Variants in L3MBTL4 observed in about 807,000 individuals in gnomAD.
The protein encoded by L3MBTL4 is lethal(3)malignant brain tumor-like protein 4.
Under a neutral mutation model 84.5 loss-of-function variants are expected in L3MBTL4, and 70 were observed. The observed-to-expected ratio is 0.83, with a 90% CI of 0.68 to 1.01. L3MBTL4 has a LOEUF of 1.01. Ranked by LOEUF, L3MBTL4 falls within the 50% of genes least tolerant of loss-of-function variation. The pLI is 0.00. For missense variants in L3MBTL4, 715 were observed against 754.8 expected (o/e 0.95, Z 0.62); for synonymous variants, 274 against 259.8 (o/e 1.05, Z -0.52).
At chr18:6,185,170 CT>C (rs1454292034) in intron 12 of L3MBTL4, among the ~76,000 whole-genome samples, 1 of 152,104 alleles carries the variant, frequency 6.6e-6, no homozygotes, top group East Asian at 1.9e-4. Context: ...ATTCCTGGAT[CT>C]TGACTGAAAA....
At position 6,169,291 on chromosome 18, in the gene L3MBTL4, A is replaced by C. The variant is rs563262085; in HGVS notation, c.1096+2537T>G. Among the ~76,000 whole-genome samples the C allele has an allele frequency of 2.0e-5, 3 of 152,340 alleles. No individual in the cohort carries two copies. In the South Asian group the frequency reaches 6.2e-4, roughly 32 times the overall value. On this transcript the variant is annotated intron_variant, in intron 13 of 18. Coordinates refer to ENST00000317931, the MANE Select transcript of L3MBTL4 (RefSeq NM_001330559.2). ...GGTGGCAATTCCTCAGGGATCTGGAACTAGAAATACCATTTGACCCAGCCA... is the reference window on the plus strand; with the variant it reads ...GGTGGCAATTCCTCAGGGATCTGGACCTAGAAATACCATTTGACCCAGCCA...
rs59634971 is a variant in L3MBTL4, at chr18:6,161,932, A to AAT, written c.1096+9894_1096+9895dup. Among the ~76,000 whole-genome samples the AAT allele has an allele frequency of 9.0e-3, 1,344 of 149,620 alleles. 20 individuals are homozygous for AAT. The highest frequency in any genetic ancestry group is 0.029 in the African/African-American group (1,208 of 41,008). On this transcript the variant is annotated intron_variant, in intron 13 of 18. Coordinates refer to ENST00000317931, the MANE Select transcript of L3MBTL4 (RefSeq NM_001330559.2). ...AAATACATATAATTCTTATATATAA[A>AAT]ATATATATATATATCTAAGAAAGCT...
intron 4 of L3MBTL4, among the ~76,000 whole-genome samples, chr18:6,281,670 T>C (rs1392163096): frequency 6.6e-6 from 1 of 152,162 alleles, no homozygotes; most frequent in East Asian, 1.9e-4. Flanking sequence ...TGAAATTAAA[T>C]CCTGACCTAC....
chr18:6,269,707 G>A lies in L3MBTL4; in HGVS notation c.128-5669C>T, dbSNP rs187387556. 7.2e-5 allele frequency among the ~76,000 whole-genome samples: 11 copies of A among 152,226 alleles called. No individual in the cohort carries two copies. In the East Asian group the frequency reaches 9.7e-4, roughly 13 times the overall value. The stretch of plus-strand genomic sequence containing the variant: ...ATTACTTTTTAAATATGAATTAAGC[G>A]CAGTTTATATGAACATTGTCTTTAG... On this transcript the variant is annotated intron_variant, in intron 4 of 18. Transcript: ENST00000317931.
intron 14 of L3MBTL4, among the ~76,000 whole-genome samples, chr18:6,097,301 G>C (rs2058671830): frequency 6.6e-6 from 1 of 152,158 alleles, no homozygotes; most frequent in Non-Finnish European, 1.5e-5. Flanking sequence ...AGGAAACAGA[G>C]TGATTACAAT....
rs370809575 is a variant in L3MBTL4 at position 6,288,578 on chromosome 18, G to A, written c.127+13325C>T. 2.0e-5 allele frequency among the ~76,000 whole-genome samples: 3 copies of A among 152,034 alleles called. No homozygotes were observed. In the East Asian group the frequency reaches 5.8e-4, roughly 29 times the overall value. ...AATGATCTTGTTTATGCAATTCGTT[G>A]ATAAATAAGATCAATTTAATGTTAT... On this transcript the variant is annotated intron_variant, in intron 4 of 18. Transcript: ENST00000317931.
At chr18:6,313,949 A>C (rs1042068376) in intron 1 of L3MBTL4, among the ~76,000 whole-genome samples, 2 of 152,238 alleles carry the variant, frequency 1.3e-5, no homozygotes, top group African/African-American at 4.8e-5. Flanking sequence ...CAATCCATGT[A>C]AGATTTTGCT....
At chr18:6,185,200 G>A (rs1434326951) in intron 12 of L3MBTL4, among the ~76,000 whole-genome samples, 1 of 152,160 alleles carries the variant, frequency 6.6e-6, no homozygotes, top group Non-Finnish European at 1.5e-5. Context: ...CATTGATTTA[G>A]GAGTCATAAA....
chr18:6,194,005 G>A (rs1038279874), intron 12 of L3MBTL4, among the ~76,000 whole-genome samples: 1 of 152,148 alleles, frequency 6.6e-6, no homozygotes, highest in African/African-American at 2.4e-5. Flanking sequence ...GAAGAAGGAA[G>A]AAGTACACCC....
intron 14 of L3MBTL4, among the ~76,000 whole-genome samples, chr18:6,129,545 T>C (rs1328631795): frequency 3.3e-5 from 5 of 152,160 alleles, no homozygotes; most frequent in Admixed American, 3.3e-4. Context: ...GGTATAGATT[T>C]CTCTCTGAAC....
chr18:6,116,830 G>C (rs9958105), intron 14 of L3MBTL4, among the ~76,000 whole-genome samples: 47,699 of 152,148 alleles, frequency 0.31, 8,087 homozygotes, highest in East Asian at 0.57. Context: ...TCATGGTCAA[G>C]AAACTAAATA....
chr18:6,048,416 A>T (rs1044082987), intron 16 of L3MBTL4, among the ~76,000 whole-genome samples: 3 of 152,200 alleles, frequency 2.0e-5, no homozygotes, highest in Non-Finnish European at 4.4e-5. Context: ...AAATAGCCCA[A>T]ATAGCCAGAG....
At chr18:6,265,250 C>A (rs540702796) in intron 4 of L3MBTL4, among the ~76,000 whole-genome samples, 3 of 152,162 alleles carry the variant, frequency 2.0e-5, no homozygotes, top group Non-Finnish European at 2.9e-5. Context: ...TTTGTGCTTT[C>A]TTTTTCTGCT....
At chr18:6,400,164 T>C (rs1568608247) in intron 1 of L3MBTL4, among the ~76,000 whole-genome samples, 1 of 152,244 alleles carries the variant, frequency 6.6e-6, no homozygotes, top group South Asian at 2.1e-4. Flanking sequence ...AGTTGTTTTA[T>C]GTTAAATGTA....
chr18:6,153,344 C>T (rs1057119446), intron 13 of L3MBTL4, among the ~76,000 whole-genome samples: 6 of 152,066 alleles, frequency 3.9e-5, no homozygotes, highest in Non-Finnish European at 7.4e-5. Flanking sequence ...TTCCAGTCCA[C>T]GAATATGGGA....
chr18:6,189,551 T>C (rs1291751767), intron 12 of L3MBTL4, among the ~76,000 whole-genome samples: 1 of 151,990 alleles, frequency 6.6e-6, no homozygotes, highest in East Asian at 1.9e-4. Flanking sequence ...CAAGAGAAAA[T>C]ACAGCCAATA....
chr18:6,132,440 A>T (rs547425011), intron 14 of L3MBTL4, among the ~76,000 whole-genome samples: 1 of 152,270 alleles, frequency 6.6e-6, no homozygotes, highest in South Asian at 2.1e-4. Flanking sequence ...ACTGGAGAAG[A>T]GCTGATAGAA....
Position 6,080,894 on chromosome 18 carries a change from A to G in L3MBTL4, c.1431T>C (p.Asp477=), listed in dbSNP as rs2058055623. 3 of 1,606,154 alleles carry G rather than the reference A, an allele frequency of 1.9e-6. No homozygotes were observed. In the South Asian group the frequency reaches 3.3e-5, roughly 18 times the overall value. ...TTTTGTTTTTACCTCTGAAGAGATTATCCAAGTCAATATCTTCTTTTCCTT... is the reference window on the plus strand; with the variant it reads ...TTTTGTTTTTACCTCTGAAGAGATTGTCCAAGTCAATATCTTCTTTTCCTT... ...KIKGKEDIDL[D]NLFREYSVEQ... Residue 477 remains aspartate, a synonymous_variant, in exon 16 of 19, where the codon GAT becomes GAC. Transcript: ENST00000317931.
intron 15 of L3MBTL4, among the ~76,000 whole-genome samples, chr18:6,089,358 T>C (rs763717935): frequency 3.3e-5 from 5 of 152,212 alleles, no homozygotes; most frequent in Non-Finnish European, 5.9e-5. Flanking sequence ...ATGGTAAGAT[T>C]CTTCCCTTCA....
Sources: allele counts gnomAD v4.1 joint callset (sites outside exome capture counted in the v4.1 genomes callset), GRCh38; gene constraint gnomAD v4.1.1; transcripts MANE v1.5; gene names NCBI Gene and HGNC (gene_info 2026-07-23, HGNC 2026-07-21).